The following ANK2 variants were observed in gnomAD, a reference collection of about 807,000 sequenced individuals.
The protein encoded by ANK2 is ankyrin-2.
A neutral mutation model predicts 360.5 loss-of-function variants in ANK2; 83 were observed. The ratio of observed to expected loss-of-function variants is 0.23; its 90% CI spans 0.19 to 0.28. ANK2 has a LOEUF of 0.28. Among genes scored for constraint, ANK2 ranks in the 10% least tolerant of loss-of-function variants. ANK2 has a pLI of 1.00. For synonymous variants in ANK2, 1,740 were observed against 1,759.5 expected (o/e 0.99, Z 0.28); for missense variants, 4,201 against 4,795.7 (o/e 0.88, Z 3.66).
chr4:113,347,026 GA>G lies in ANK2; in HGVS notation c.4371+1005del, dbSNP rs945840987. On this transcript the variant is annotated intron_variant, in intron 35 of 45. Transcript: ENST00000357077. ...GTCTATATAACAGGTTGGGAAGGGTGATGAGTGGTGACTGCTGAGACCTGGA... is the reference window on the plus strand; with the variant it reads ...GTCTATATAACAGGTTGGGAAGGGTGTGAGTGGTGACTGCTGAGACCTGGA... Among the ~76,000 whole-genome samples, 16 of 152,250 alleles carry G rather than the reference GA, an allele frequency of 1.1e-4. No homozygotes were observed. In the Middle Eastern group the frequency reaches 0.01, roughly 97 times the overall value.
the ANK2 span, among the ~76,000 whole-genome samples, chr4:112,778,673 A>G: frequency 1.3e-5 from 2 of 152,152 alleles, no homozygotes; most frequent in Admixed American, 6.5e-5. Flanking sequence ...AATGGTGTCA[A>G]TTCGAACCAA....
intron 1 of ANK2, among the ~76,000 whole-genome samples, chr4:112,891,744 A>G (rs1016778479): frequency 1.2e-4 from 19 of 152,206 alleles, no homozygotes; most frequent in Admixed American, 1.1e-3. Flanking sequence ...GCATTAGGAA[A>G]GAGGAAACCC....
At chr4:112,755,137 C>T in the ANK2 span, among the ~76,000 whole-genome samples, 1 of 152,170 alleles carries the variant, frequency 6.6e-6, no homozygotes, top group Non-Finnish European at 1.5e-5. Flanking sequence ...CCCCTCCAAT[C>T]CCCTGGGCCC....
In ANK2 at chr4:113,355,357, C is replaced by G. The variant is rs779281208; in HGVS notation, c.6739C>G (p.Leu2247Val). ...GACCCCTGAGACGAGCCCAGAAAGC[C>G]TTTCTTTCTCACCAAAGAAAAGTGA... ...AETPETSPES[L>V]SFSPKKSEEQ... The change falls in exon 38 of 46, where the codon CTT becomes GTT. Residue 2247 changes from leucine to valine, a missense_variant. Around this residue, in one of 4 missense-constraint regions of ANK2, gnomAD observed 2,642 missense variants for 2,714.5 expected, o/e 0.97. Coordinates refer to ENST00000357077, the MANE Select transcript of ANK2 (RefSeq NM_001148.6). 1 of 1,613,894 alleles carries G rather than the reference C, an allele frequency of 6.2e-7. No homozygotes were observed. The highest frequency in any genetic ancestry group is 1.1e-5 in the South Asian group (1 of 91,074).
intron 2 of ANK2, among the ~76,000 whole-genome samples, chr4:113,175,147 T>G (rs772615222): frequency 3.3e-5 from 5 of 152,286 alleles, no homozygotes; most frequent in Middle Eastern, 3.4e-3. Context: ...TTCACTTCAA[T>G]GCTAAATGTT....
At chr4:112,951,106 A>AAAAAAAAAG (rs1427058829) in intron 2 of ANK2, among the ~76,000 whole-genome samples, 3 of 149,888 alleles carry the variant, frequency 2.0e-5, no homozygotes, top group African/African-American at 4.9e-5. Context: ...AAAAAAAAAA[A>AAAAAAAAAG]TGTGTGCCTC....
chr4:112,768,394 C>T, the ANK2 span, among the ~76,000 whole-genome samples: 1 of 152,158 alleles, frequency 6.6e-6, no homozygotes, highest in East Asian at 1.9e-4. Context: ...GCTGGGACTA[C>T]AGGCTCATGC....
intron 1 of ANK2, among the ~76,000 whole-genome samples, chr4:113,065,485 G>A (rs1019349138): frequency 6.6e-6 from 1 of 152,182 alleles, no homozygotes; most frequent in Non-Finnish European, 1.5e-5. Flanking sequence ...AGTTCTAACT[G>A]TCTTATTCCA....
intron 1 of ANK2, among the ~76,000 whole-genome samples, chr4:113,144,696 G>A (rs1269428896): frequency 6.7e-6 from 1 of 148,484 alleles, no homozygotes; most frequent in African/African-American, 2.5e-5. Flanking sequence ...TAACAAATGA[G>A]GAAGGATAGG....
chr4:113,040,173 G>A (rs973961096), intron 2 of ANK2, among the ~76,000 whole-genome samples: 4 of 151,916 alleles, frequency 2.6e-5, no homozygotes, highest in African/African-American at 7.2e-5. Context: ...ATGATAATGC[G>A]TCCTAAAAAA....
chr4:112,850,294 AT>A (rs2064419828), intron 1 of ANK2, among the ~76,000 whole-genome samples: 1 of 136,122 alleles, frequency 7.3e-6, no homozygotes, highest in Admixed American at 7.3e-5. Context: ...CTATCTATCT[AT>A]CTATCTAATT....
chr4:112,865,273 A>G (rs1362833096), intron 1 of ANK2, among the ~76,000 whole-genome samples: 1 of 152,098 alleles, frequency 6.6e-6, no homozygotes, highest in Non-Finnish European at 1.5e-5. Context: ...AACTGCAGTA[A>G]AGAAATTCAC....
chr4:113,088,346 G>C (rs1163010756), intron 1 of ANK2, among the ~76,000 whole-genome samples: 7 of 152,186 alleles, frequency 4.6e-5, no homozygotes, highest in Admixed American at 4.6e-4. Context: ...GAATGGGCAA[G>C]GGGACAAGCT....
rs1471972343 is a variant in ANK2 at position 113,355,369 on chromosome 4, C to G, written c.6751C>G (p.Pro2251Ala). 1.2e-6 allele frequency: 2 copies of G among 1,613,928 alleles called. No homozygotes were observed. Among genetic ancestry groups the G allele is most frequent in the Admixed American group, 1.7e-5 (1 of 60,000 alleles). ...ETSPESLSFS[P>A]KKSEEQTGET... Reference sequence around the variant, plus strand: ...GAGCCCAGAAAGCCTTTCTTTCTCACCAAAGAAAAGTGAGGAGCAAACTGG... The same window carrying G: ...GAGCCCAGAAAGCCTTTCTTTCTCAGCAAAGAAAAGTGAGGAGCAAACTGG... The change falls in exon 38 of 46, where the codon CCA becomes GCA. Residue 2251 changes from proline to alanine, a missense_variant. Coordinates refer to ENST00000357077, the MANE Select transcript of ANK2 (RefSeq NM_001148.6).
At chr4:113,032,763 C>A in intron 2 of ANK2, among the ~76,000 whole-genome samples, 1 of 152,020 alleles carries the variant, frequency 6.6e-6, no homozygotes, top group East Asian at 1.9e-4. Context: ...GACAGTCACC[C>A]TGTAGTGTTT....
chr4:112,951,481 A>G (rs969103450), intron 2 of ANK2, among the ~76,000 whole-genome samples: 1 of 152,252 alleles, frequency 6.6e-6, no homozygotes, highest in African/African-American at 2.4e-5. Context: ...AAAAGAAAAC[A>G]GTTGAAGTAA....
At chr4:113,088,887 GTCCCAGC>G (rs978563404) in intron 1 of ANK2, among the ~76,000 whole-genome samples, 3 of 152,062 alleles carry the variant, frequency 2.0e-5, no homozygotes, top group Admixed American at 6.6e-5. Flanking sequence ...CCTATCATGA[GTCCCAGC>G]TCTATTTAAA....
chr4:112,723,378 G>A, the ANK2 span, among the ~76,000 whole-genome samples: 1 of 151,996 alleles, frequency 6.6e-6, no homozygotes, highest in African/African-American at 2.4e-5. Context: ...GGGAAGCAGG[G>A]TGGGCAGGAC....
intron 4 of ANK2, among the ~76,000 whole-genome samples, chr4:113,209,404 A>G (rs1304507908): frequency 1.3e-5 from 2 of 151,798 alleles, no homozygotes; most frequent in East Asian, 1.9e-4. Context: ...ACAGATGCAA[A>G]TCTCCCCCAC....
Sources: gnomAD v4.1 joint callset for allele counts (sites outside exome capture counted in the v4.1 genomes callset) on GRCh38, gnomAD v4.1.1 for gene constraint, gnomAD v4.1.1 regional missense constraint, MANE v1.5 for transcripts, NCBI Gene and HGNC (gene_info 2026-07-23, HGNC 2026-07-21) for gene names.